SH3RF2: variants seen among roughly 807,000 people sequenced by gnomAD.
The protein encoded by SH3RF2 is E3 ubiquitin-protein ligase SH3RF2.
In SH3RF2, 43 loss-of-function variants were observed where a neutral mutation model predicts 59.0. That is an observed-to-expected ratio of 0.73 (90% CI 0.57 to 0.94). The LOEUF (loss-of-function observed/expected upper bound fraction) is 0.94, where lower values mean the gene tolerates loss of function less well. Ranked by LOEUF, SH3RF2 falls within the 40% of genes least tolerant of loss-of-function variation. The pLI, the probability that SH3RF2 is intolerant of heterozygous loss-of-function variation, is 0.00. For synonymous variants in SH3RF2, 391 were observed against 391.5 expected (o/e 1.00, Z 0.01); for missense variants, 930 against 940.1 (o/e 0.99, Z 0.14).
At chr5:146,064,778 AGGAAGGAAGGAAGGAAGGAAGGAAGGAAG>A (rs1763041213), downstream of SH3RF2, among the ~76,000 whole-genome samples, 1 of 10,504 alleles carries the variant, frequency 9.5e-5, no homozygotes, top group African/African-American at 2.6e-4. Flanking sequence ...AAGGAAGGAA[AGGAAGGAAGGAAGGAAGGAAGGAAGGAAG>A]GAAAGAAAGA....
intron 5 of SH3RF2, among the ~76,000 whole-genome samples, chr5:146,015,546 A>G (rs942808051): frequency 4.6e-5 from 7 of 152,358 alleles, no homozygotes; most frequent in Admixed American, 3.3e-4. Flanking sequence ...ACGATTCTTT[A>G]TATATAGTCA....
intron 5 of SH3RF2, among the ~76,000 whole-genome samples, chr5:146,045,840 A>G (rs1043428512): frequency 2.0e-5 from 3 of 152,236 alleles, no homozygotes; most frequent in African/African-American, 7.2e-5. Flanking sequence ...TTGAGCATAC[A>G]CTAGAAACAG....
At chr5:146,058,069 C>G (rs1187572177) in intron 8 of SH3RF2, among the ~76,000 whole-genome samples, 17 of 151,912 alleles carry the variant, frequency 1.1e-4, no homozygotes. Flanking sequence ...ATCCTGAAAG[C>G]AATTGCTCAC....
intron 7 of SH3RF2, among the ~76,000 whole-genome samples, chr5:146,054,778 G>A (rs560917047): frequency 6.6e-6 from 1 of 152,368 alleles, no homozygotes; most frequent in East Asian, 1.9e-4. Context: ...GACAAAGAGA[G>A]AGAGGAGAAA....
At chr5:146,038,415 T>A (rs1217576385) in intron 5 of SH3RF2, among the ~76,000 whole-genome samples, 6 of 152,192 alleles carry the variant, frequency 3.9e-5, no homozygotes, top group Admixed American at 1.3e-4. Context: ...GATACTATTG[T>A]CTATATAGAG....
chr5:146,022,088 G>A (rs955427040), intron 5 of SH3RF2, among the ~76,000 whole-genome samples: 1 of 152,134 alleles, frequency 6.6e-6, no homozygotes, highest in East Asian at 1.9e-4. Flanking sequence ...GTATTTGAAA[G>A]TTGAAAGAAT....
At chr5:146,004,959 A>T (rs1561736542) in intron 4 of SH3RF2, among the ~76,000 whole-genome samples, 1 of 152,114 alleles carries the variant, frequency 6.6e-6, no homozygotes, top group Non-Finnish European at 1.5e-5. Context: ...AAGTTGGACC[A>T]TGTGGAACTA....
chr5:146,038,662 A>G (rs1762024410), intron 5 of SH3RF2, among the ~76,000 whole-genome samples: 1 of 152,260 alleles, frequency 6.6e-6, no homozygotes, highest in African/African-American at 2.4e-5. Flanking sequence ...AAAGACATTA[A>G]AGAGGCTCTA....
At chr5:145,966,929 G>A (rs961737372) in intron 2 of SH3RF2, among the ~76,000 whole-genome samples, 2 of 152,070 alleles carry the variant, frequency 1.3e-5, no homozygotes, top group African/African-American at 2.4e-5. Context: ...GGCTGAGGTG[G>A]GAGCATCGCT....
chr5:145,947,808 T>G (rs1002009285), intron 2 of SH3RF2, among the ~76,000 whole-genome samples: 3 of 152,166 alleles, frequency 2.0e-5, no homozygotes, highest in Admixed American at 6.5e-5. Flanking sequence ...TTGCTTGGGC[T>G]CCAAAAGTGA....
chr5:146,019,832 AT>A (rs1761242823), intron 5 of SH3RF2, among the ~76,000 whole-genome samples: 1 of 152,058 alleles, frequency 6.6e-6, no homozygotes, highest in South Asian at 2.1e-4. Context: ...GGTTAAGTAT[AT>A]TTTTGTAAAT....
chr5:146,003,413 T>A (rs889915318), intron 3 of SH3RF2, among the ~76,000 whole-genome samples: 3 of 152,232 alleles, frequency 2.0e-5, no homozygotes, highest in Admixed American at 6.5e-5. Flanking sequence ...TGTGTGTATG[T>A]TTTTGGAAAA....
intron 2 of SH3RF2, among the ~76,000 whole-genome samples, chr5:145,973,714 C>T (rs1759175410): frequency 6.6e-6 from 1 of 152,122 alleles, no homozygotes; most frequent in Admixed American, 6.5e-5. Flanking sequence ...GACCTTAAGA[C>T]AAAATCATTT....
intron 5 of SH3RF2, among the ~76,000 whole-genome samples, chr5:146,027,098 T>G (rs1303185380): frequency 6.6e-6 from 1 of 152,222 alleles, no homozygotes; most frequent in Admixed American, 6.5e-5. Flanking sequence ...GAGCCTGCTT[T>G]GAAGTGCAAA....
chr5:145,966,128 A>G (rs1758847865), intron 2 of SH3RF2, among the ~76,000 whole-genome samples: 1 of 152,236 alleles, frequency 6.6e-6, no homozygotes, highest in South Asian at 2.1e-4. Context: ...GGTTCTTTAC[A>G]CAATAGGAAA....
intron 2 of SH3RF2, among the ~76,000 whole-genome samples, chr5:145,993,144 A>C (rs571856576): frequency 5.3e-5 from 8 of 152,250 alleles, no homozygotes; most frequent in Admixed American, 2.6e-4. Context: ...TCAAATCTTA[A>C]AGCTTCCAAA....
intron 2 of SH3RF2, among the ~76,000 whole-genome samples, chr5:145,973,554 C>T (rs1162730006): frequency 6.6e-6 from 1 of 152,204 alleles, no homozygotes; most frequent in Non-Finnish European, 1.5e-5. Context: ...ATTGAATTCT[C>T]TGTTGGCCCA....
At chr5:146,049,309 G>T in intron 7 of SH3RF2, 64 bp downstream of exon 7, 1 of 1,523,306 alleles carries the variant, frequency 6.6e-7, no homozygotes, top group South Asian at 1.3e-5. Context: ...GCCATCTGTG[G>T]GTTGAACTGG....
intron 2 of SH3RF2, chr5:145,997,888 G>A (rs61734244): frequency 0.014 from 13,748 of 950,800 alleles, 147 homozygotes; most frequent in Non-Finnish European, 0.02. Flanking sequence ...ACAGAACTCA[G>A]CTCTGAAGCA....
Sources: gnomAD v4.1 joint callset for allele counts (sites outside exome capture counted in the v4.1 genomes callset) on GRCh38, gnomAD v4.1.1 for gene constraint, MANE v1.5 for transcripts, NCBI Gene and HGNC (gene_info 2026-07-23, HGNC 2026-07-21) for gene names.